TGFB3: variants seen among roughly 807,000 people sequenced by gnomAD.
The protein encoded by TGFB3 is transforming growth factor beta-3 proprotein.
A neutral mutation model predicts 40.1 loss-of-function variants in TGFB3; 5 were observed. That is an observed-to-expected ratio of 0.12 (90% confidence interval 0.07 to 0.26). TGFB3 has a LOEUF of 0.26. Among genes scored for constraint, TGFB3 ranks in the 10% least tolerant of loss-of-function variants. The pLI is 1.00. For missense variants in TGFB3, 373 were observed against 530.1 expected, an observed-to-expected ratio of 0.70 and a Z score of 2.91; for synonymous variants, 184 against 205.6, an observed-to-expected ratio of 0.89 and a Z score of 0.90.
intron 4 of TGFB3, among the ~76,000 whole-genome samples, chr14:75,963,907 C>T (rs3917198): frequency 0.092 from 13,992 of 152,160 alleles, 828 homozygotes; most frequent in African/African-American, 0.16. Context: ...GACAGAGTCT[C>T]GCTCTGTTGG....
intron 3 of TGFB3, chr14:75,966,787 A>T (rs2035226413): frequency 6.6e-6 from 1 of 152,242 alleles, no homozygotes; most frequent in Admixed American, 6.5e-5. Context: ...TGAAGGAAAA[A>T]GAAAGAAAAT....
At chr14:75,965,719 G>T (rs371204949) in intron 3 of TGFB3, 24 bp from the exon 4 acceptor site, 10 of 1,588,500 alleles carry the variant, frequency 6.3e-6, no homozygotes, top group African/African-American at 2.7e-5. Flanking sequence ...CAGAATTAGT[G>T]AGAAAAGCAC....
At chr14:75,966,238 G>T (rs2035219905) in intron 3 of TGFB3, 1 of 174,382 alleles carries the variant, frequency 5.7e-6, no homozygotes, top group Admixed American at 5.4e-5. Flanking sequence ...TGTAATGCTG[G>T]CAAAAAGATT....
chr14:75,963,131 C>G, intron 5 of TGFB3, 185 bp downstream of exon 5: 5 of 733,194 alleles, frequency 6.8e-6, no homozygotes, highest in Non-Finnish European at 9.4e-6. Flanking sequence ...AGTGGGACTC[C>G]CAGGAAAACA....
rs915903192 is a variant in TGFB3, at chr14:75,971,392, A to G, written c.517-137T>C. 34 of 1,518,774 alleles carry G rather than the reference A, an allele frequency of 2.2e-5. No homozygotes were observed. The highest frequency in any genetic ancestry group is 2.7e-6 in the Non-Finnish European group (3 of 1,112,134). 94.1% of individuals were successfully genotyped at this position (1,518,774 alleles called of 1,614,324 possible). A position where few individuals can be genotyped will look rare whatever the true frequency, so the allele number is the denominator to read the frequency against. On this transcript the variant is annotated intron_variant, in intron 2 of 6. Coordinates refer to ENST00000238682, the MANE Select transcript of TGFB3 (RefSeq NM_003239.5). The surrounding 1 kb of genome is among the most constrained non-coding windows in gnomAD (Gnocchi z 4.5). ...GCCATGGCCCTCGAGCACCTTAGCT[A>G]ACTCTTAAGTGTTTTAATGACAGAC...
At position 75,980,619 on chromosome 14, in the gene TGFB3, G is replaced by A. The variant is rs2140254225; in HGVS notation, c.275C>T (p.Thr92Ile). The A allele has an allele frequency of 1.2e-6, 2 of 1,614,180 alleles. No homozygotes were observed. The highest frequency in any genetic ancestry group is 1.1e-5 in the South Asian group (1 of 91,080). ...EMHGEREEGCTQENTESEYYA... is the reference protein window; with the variant it reads ...EMHGEREEGCIQENTESEYYA... ...GTATTCCGACTCGGTGTTTTCCTGG[G>A]TGCAGCCTTCCTCCCTCTCCCCATG... The change falls in exon 1 of 7, where the codon ACC becomes ATC. Residue 92 changes from threonine to isoleucine, a missense_variant. Coordinates refer to ENST00000238682, the MANE Select transcript of TGFB3 (RefSeq NM_003239.5). This position sits in a 1 kb window ranked among gnomAD's most constrained non-coding sequence, Gnocchi z 4.3.
At chr14:75,959,826 G>A (rs1255091096) in intron 6 of TGFB3, among the ~76,000 whole-genome samples, 1 of 149,878 alleles carries the variant, frequency 6.7e-6, no homozygotes, top group East Asian at 2.0e-4. Flanking sequence ...GAGTAGTTGT[G>A]TAGTTGCTGT....
intron 3 of TGFB3, chr14:75,966,226 G>T (rs958886498): frequency 5.6e-6 from 1 of 177,576 alleles, no homozygotes; most frequent in Non-Finnish European, 1.2e-5. Context: ...AAAGCCACAG[G>T]ATGTAATGCT....
In TGFB3 at chr14:75,980,497, T is replaced by G. The variant is rs1488173464; in HGVS notation, c.352+45A>C. On this transcript the variant is annotated intron_variant, in intron 1 of 6. Transcript: ENST00000238682. This position sits in a 1 kb window ranked among gnomAD's most constrained non-coding sequence, Gnocchi z 4.3. ...CCCTCTGCAGAGCTCCCAGCTCCAG[T>G]TCAGACCCTCCAGAGCAGACACCCC... is the stretch of plus-strand genomic sequence containing the variant. The G allele has an allele frequency of 6.3e-7, 1 of 1,597,852 alleles. No homozygotes were observed. The highest frequency in any genetic ancestry group is 2.2e-5 in the East Asian group (1 of 44,802).
intron 3 of TGFB3, 194 bp downstream of exon 3, chr14:75,970,916 CTATCCCTGTGGCTGCA>C: frequency 3.3e-6 from 2 of 614,460 alleles, no homozygotes; most frequent in Non-Finnish European, 2.9e-6. Context: ...CTCATAGTTC[CTATCCCTGTGGCTGCA>C]TCCCCAGGGC....
At chr14:75,972,546 G>T (rs2035306113) in intron 1 of TGFB3, among the ~76,000 whole-genome samples, 1 of 152,172 alleles carries the variant, frequency 6.6e-6, no homozygotes, top group Non-Finnish European at 1.5e-5. Flanking sequence ...GAGGGAAATG[G>T]CAAGGAGCAC....
Position 75,959,289 on chromosome 14 carries a change from C to T in TGFB3, c.1137G>A (p.Val379=), listed in dbSNP as rs751480221. The T allele has an allele frequency of 3.1e-6, 5 of 1,614,186 alleles. No homozygotes were observed. Among genetic ancestry groups the T allele is most frequent in the Admixed American group, 1.7e-5 (1 of 60,026 alleles). ...TGGTCAGGGGCTCCAGGTCCTGGGG[C>T]ACGCAGCAAGGCGAGGCAGATGCTT... ...NPEASASPCC[V]PQDLEPLTIL... The change falls in exon 7 of 7, where the codon GTG becomes GTA. Residue 379 remains valine (V), a synonymous_variant. Transcript: ENST00000238682.
At position 75,971,527 on chromosome 14, in the gene TGFB3, G is replaced by A; in HGVS notation, c.516+28C>T. On this transcript the variant is annotated intron_variant, in intron 2 of 6. Coordinates refer to ENST00000238682, the MANE Select transcript of TGFB3 (RefSeq NM_003239.5). The surrounding 1 kb of genome is among the most constrained non-coding windows in gnomAD (Gnocchi z 4.5). ...CAAAGGAACCAGCTTTCCCGTCGGT[G>A]TGGTTTCTGCTCTGAGAGAGGAGTT... is the stretch of plus-strand genomic sequence containing the variant. 1 of 1,613,660 alleles carries A rather than the reference G, an allele frequency of 6.2e-7. No individual in the cohort carries two copies. The highest frequency in any genetic ancestry group is 8.5e-7 in the Non-Finnish European group (1 of 1,179,846).
Position 75,978,581 on chromosome 14 carries a change from TG to T in TGFB3, c.352+1960del, listed in dbSNP as rs1208310950. ...CTGAACAGCATCCTGCTCACTGTGC[TG>T]GGTTGCCCCAGGCCAGACCATTGCT... On this transcript the variant is annotated intron_variant, in intron 1 of 6. Coordinates refer to ENST00000238682, the MANE Select transcript of TGFB3 (RefSeq NM_003239.5). This position sits in a 1 kb window ranked among gnomAD's most constrained non-coding sequence, Gnocchi z 5.0. Among the ~76,000 whole-genome samples the T allele has an allele frequency of 6.6e-6, 1 of 152,256 alleles. No individual in the cohort carries two copies. The highest frequency in any genetic ancestry group is 2.4e-5 in the African/African-American group (1 of 41,472).
At chr14:75,975,984 A>G (rs1212453500) in intron 1 of TGFB3, among the ~76,000 whole-genome samples, 1 of 152,254 alleles carries the variant, frequency 6.6e-6, no homozygotes, top group Non-Finnish European at 1.5e-5. Flanking sequence ...GAAAAAATAT[A>G]TATTGGTGAA....
intron 1 of TGFB3, among the ~76,000 whole-genome samples, chr14:75,973,515 A>C (rs1229993941): frequency 6.6e-6 from 1 of 152,278 alleles, no homozygotes; most frequent in African/African-American, 2.4e-5. Context: ...AGTGATAGTT[A>C]AGTAATGTGT....
At chr14:75,982,210 T>TCCTG (rs971382560), upstream of TGFB3, among the ~76,000 whole-genome samples, 1 of 152,222 alleles carries the variant, frequency 6.6e-6, no homozygotes, top group Admixed American at 6.5e-5. This position sits in a 1 kb window ranked among gnomAD's most constrained non-coding sequence, Gnocchi z 4.0. Flanking sequence ...TTGGAATCAC[T>TCCTG]CCTGCCACAC....
chr14:75,962,788 T>A (rs2035173276), intron 5 of TGFB3, among the ~76,000 whole-genome samples: 1 of 152,164 alleles, frequency 6.6e-6, no homozygotes, highest in African/African-American at 2.4e-5. Flanking sequence ...AGAAGCTGGG[T>A]CTTTTCTATC....
intron 3 of TGFB3, chr14:75,966,002 G>C: frequency 7.5e-6 from 3 of 397,666 alleles, no homozygotes; most frequent in South Asian, 6.6e-5. Flanking sequence ...AGAGAAAATT[G>C]TCACCTACCT....
Sources: gnomAD v4.1 joint callset for allele counts (sites outside exome capture counted in the v4.1 genomes callset) on GRCh38, gnomAD v4.1.1 for gene constraint, Gnocchi (gnomAD v3.1) non-coding constraint, MANE v1.5 for transcripts, NCBI Gene and HGNC (gene_info 2026-07-23, HGNC 2026-07-21) for gene names.